MAML3: variants seen among roughly 807,000 people sequenced by gnomAD.
MAML3 encodes mastermind like transcriptional coactivator 3, also known as mastermind-like protein 3.
Under a neutral mutation model 101.9 loss-of-function variants are expected in MAML3, and 27 were observed. That is an observed-to-expected ratio of 0.27 (90% CI 0.20 to 0.37). The LOEUF (loss-of-function observed/expected upper bound fraction) is 0.37. Among genes scored for constraint, MAML3 ranks in the 10% least tolerant of loss-of-function variants. The probability of loss-of-function intolerance (pLI) is 1.00; values close to 1 mark genes in which losing one functional copy is unlikely to be tolerated. For synonymous variants in MAML3, 501 were observed against 555.9 expected, an observed-to-expected ratio of 0.90 and a Z score of 1.39; for missense variants, 1,316 against 1,444.9, an observed-to-expected ratio of 0.91 and a Z score of 1.45.
chr4:139,864,920 T>C (rs1731864696), intron 2 of MAML3, among the ~76,000 whole-genome samples: 1 of 70,254 alleles, frequency 1.4e-5, no homozygotes, highest in African/African-American at 7.3e-5. Flanking sequence ...TAATGCAAAC[T>C]TGCTTTTTTT....
At chr4:140,022,840 T>G (rs1240618168) in intron 1 of MAML3, among the ~76,000 whole-genome samples, 6 of 152,202 alleles carry the variant, frequency 3.9e-5, no homozygotes, top group Non-Finnish European at 7.3e-5. Context: ...TAACCCTAGT[T>G]CAAATACAGG....
intron 2 of MAML3, among the ~76,000 whole-genome samples, chr4:139,865,646 C>A (rs544544128): frequency 2.0e-5 from 3 of 152,156 alleles, no homozygotes; most frequent in Non-Finnish European, 4.4e-5. Flanking sequence ...CCTCTTCCCC[C>A]CAAAATGAAC....
At chr4:140,016,129 A>G (rs942316674) in intron 1 of MAML3, among the ~76,000 whole-genome samples, 1 of 152,226 alleles carries the variant, frequency 6.6e-6, no homozygotes, top group African/African-American at 2.4e-5. Context: ...TATAATTTAT[A>G]TTTCTATGTC....
chr4:139,795,637 C>T (rs187031897), intron 2 of MAML3, among the ~76,000 whole-genome samples: 1 of 152,188 alleles, frequency 6.6e-6, no homozygotes, highest in Admixed American at 6.5e-5. Flanking sequence ...ATAACACTGG[C>T]AGACATTCTT....
At chr4:139,782,246 T>G (rs1396808370) in intron 2 of MAML3, among the ~76,000 whole-genome samples, 1 of 152,190 alleles carries the variant, frequency 6.6e-6, no homozygotes, top group Non-Finnish European at 1.5e-5. Flanking sequence ...CACTGCAGCC[T>G]CAAACTTCTG....
intron 1 of MAML3, among the ~76,000 whole-genome samples, chr4:139,902,332 G>A (rs1732743495): frequency 6.6e-6 from 1 of 152,064 alleles, no homozygotes. Flanking sequence ...CTTATTTCTA[G>A]ACAGCATCTG....
intron 1 of MAML3, among the ~76,000 whole-genome samples, chr4:140,099,229 T>TCACACACACACA (rs57140878): frequency 6.8e-6 from 1 of 147,072 alleles, no homozygotes; most frequent in South Asian, 2.2e-4. Context: ...TGGAAGTATA[T>TCACACACACACA]CACACACACA....
At chr4:139,883,384 A>C (rs1732256338) in intron 2 of MAML3, among the ~76,000 whole-genome samples, 1 of 152,248 alleles carries the variant, frequency 6.6e-6, no homozygotes, top group Non-Finnish European at 1.5e-5. Context: ...AATTCCAAGG[A>C]AAACAAAAAG....
chr4:139,753,188 T>A (rs928299386), intron 2 of MAML3, among the ~76,000 whole-genome samples: 5 of 152,242 alleles, frequency 3.3e-5, no homozygotes, highest in African/African-American at 1.2e-4. Flanking sequence ...TTTATCATTT[T>A]AACTCCTTTT....
chr4:140,026,019 C>G (rs1008122329), intron 1 of MAML3, among the ~76,000 whole-genome samples: 3 of 152,134 alleles, frequency 2.0e-5, no homozygotes, highest in African/African-American at 7.2e-5. Context: ...TGGGTTATAC[C>G]TAACAGCCAA....
chr4:140,011,233 CATATATAT>C (rs70943468), intron 1 of MAML3, among the ~76,000 whole-genome samples: 7 of 119,926 alleles, frequency 5.8e-5, no homozygotes, highest in Non-Finnish European at 1.3e-4. Flanking sequence ...ATAAAGTGTG[CATATATAT>C]ATATATATAT....
intron 2 of MAML3, among the ~76,000 whole-genome samples, chr4:139,883,205 G>C (rs751019783): frequency 1.3e-5 from 2 of 152,182 alleles, no homozygotes; most frequent in Non-Finnish European, 2.9e-5. Context: ...GAGAAGGAAA[G>C]ACGGAGGGAG....
chr4:139,873,375 A>G (rs1158923670), intron 2 of MAML3, among the ~76,000 whole-genome samples: 1 of 152,180 alleles, frequency 6.6e-6, no homozygotes, highest in Non-Finnish European at 1.5e-5. Flanking sequence ...AGCTTTCCTG[A>G]GCCAGTACCA....
At chr4:139,805,433 T>C (rs1359278078) in intron 2 of MAML3, among the ~76,000 whole-genome samples, 1 of 152,240 alleles carries the variant, frequency 6.6e-6, no homozygotes, top group Non-Finnish European at 1.5e-5. Flanking sequence ...GGTTTTCTCA[T>C]AGTCTAACCC....
intron 1 of MAML3, among the ~76,000 whole-genome samples, chr4:140,045,495 T>C (rs1368655671): frequency 1.3e-5 from 2 of 152,208 alleles, no homozygotes; most frequent in Admixed American, 1.3e-4. Context: ...TTGGGACTTT[T>C]TTTCAATCTA....
At chr4:140,006,531 A>G (rs1726450043) in intron 1 of MAML3, among the ~76,000 whole-genome samples, 1 of 144,478 alleles carries the variant, frequency 6.9e-6, no homozygotes, top group Admixed American at 7.5e-5. Context: ...GGTTTCAGTG[A>G]GCCGAGATGG....
At chr4:139,726,095 T>C (rs975691214) in intron 3 of MAML3, among the ~76,000 whole-genome samples, 1 of 152,202 alleles carries the variant, frequency 6.6e-6, no homozygotes, top group African/African-American at 2.4e-5. Flanking sequence ...CTTCCAGTCA[T>C]CACTCTCCCT....
chr4:139,924,894 A>G (rs1297487386), intron 1 of MAML3, among the ~76,000 whole-genome samples: 1 of 152,192 alleles, frequency 6.6e-6, no homozygotes, highest in Admixed American at 6.5e-5. Flanking sequence ...ATGCTTCATG[A>G]GAAATAAAAC....
intron 1 of MAML3, among the ~76,000 whole-genome samples, chr4:140,007,881 C>T (rs1024464747): frequency 2.6e-5 from 4 of 152,216 alleles, no homozygotes; most frequent in Admixed American, 2.6e-4. Context: ...CCCTGTAGGT[C>T]ACCTTAATCT....
Sources: gnomAD v4.1 joint callset for allele counts (sites outside exome capture counted in the v4.1 genomes callset) on GRCh38, gnomAD v4.1.1 for gene constraint, MANE v1.5 for transcripts, NCBI Gene and HGNC (gene_info 2026-07-23, HGNC 2026-07-21) for gene names.